The following ERICH6B variants were observed in gnomAD, a reference collection of about 807,000 sequenced individuals.
The protein encoded by ERICH6B is glutamate rich 6B.
Under a neutral mutation model 80.0 loss-of-function variants are expected in ERICH6B, and 69 were observed. The ratio of observed to expected loss-of-function variants is 0.86; its 90% CI spans 0.71 to 1.05. The LOEUF (loss-of-function observed/expected upper bound fraction) is 1.05, where lower values mean the gene tolerates loss of function less well. Ranked by LOEUF, ERICH6B falls within the 50% of genes least tolerant of loss-of-function variation. The pLI is 0.00. For synonymous variants in ERICH6B, 283 were observed against 291.9 expected (o/e 0.97, Z 0.31); for missense variants, 754 against 796.1 (o/e 0.95, Z 0.64).
chr13:45,550,689 G>T (rs544383731), intron 11 of ERICH6B, among the ~76,000 whole-genome samples: 2 of 152,176 alleles, frequency 1.3e-5, no homozygotes, highest in Non-Finnish European at 2.9e-5. Context: ...TCCTTCTAGA[G>T]GTTTTGAGGA....
intron 2 of ERICH6B, among the ~76,000 whole-genome samples, chr13:45,606,095 A>G: frequency 6.6e-6 from 1 of 152,220 alleles, no homozygotes; most frequent in East Asian, 1.9e-4. Flanking sequence ...TCAAATATTT[A>G]AAAGCTTTCA....
In ERICH6B at chr13:45,541,628, G is replaced by C; in HGVS notation, c.1925C>G (p.Ala642Gly). ...SEMKKKTILE[A>G]EPGPTAQKIR... ...CTTCTGGGCTGTTGGGCCGGGTTCT[G>C]CCTCCAGGATGGTTTTCTTCTTCAT... is the stretch of plus-strand genomic sequence containing the variant. The change falls in exon 15 of 15, where the codon GCA (alanine) becomes GGA (glycine). Residue 642 changes from alanine (A) to glycine (G), a missense_variant. Coordinates refer to ENST00000298738, the MANE Select transcript of ERICH6B (RefSeq NM_182542.3). 1.3e-6 allele frequency: 2 copies of C among 1,551,480 alleles called. No individual in the cohort carries two copies. Among genetic ancestry groups the C allele is most frequent in the Non-Finnish European group, 1.7e-6 (2 of 1,147,010 alleles).
chr13:45,595,294 A>G (rs2138020208), intron 3 of ERICH6B, among the ~76,000 whole-genome samples: 1 of 152,368 alleles, frequency 6.6e-6, no homozygotes, highest in East Asian at 1.9e-4. Context: ...GATTAAAAAT[A>G]TTATAGCTTA....
At chr13:45,542,614 G>A (rs1344829494) in intron 14 of ERICH6B, among the ~76,000 whole-genome samples, 1 of 152,114 alleles carries the variant, frequency 6.6e-6, no homozygotes, top group East Asian at 1.9e-4. Context: ...CCTCCTTCCT[G>A]TCCCTGCCCT....
chr13:45,605,540 CA>C (rs1328887473), intron 2 of ERICH6B, among the ~76,000 whole-genome samples: 1 of 152,226 alleles, frequency 6.6e-6, no homozygotes, highest in African/African-American at 2.4e-5. Context: ...CAAATAACTC[CA>C]CCAAGGTCAG....
At chr13:45,577,019 C>A (rs898833713) in intron 7 of ERICH6B, among the ~76,000 whole-genome samples, 1 of 152,130 alleles carries the variant, frequency 6.6e-6, no homozygotes, top group Non-Finnish European at 1.5e-5. Context: ...CCTGAAGTCA[C>A]TCCATGAGAG....
intron 9 of ERICH6B, among the ~76,000 whole-genome samples, chr13:45,564,044 G>T (rs374557804): frequency 3.9e-5 from 6 of 152,140 alleles, no homozygotes; most frequent in East Asian, 1.9e-4. Context: ...TAAACCCTTC[G>T]AAACGAATTC....
intron 9 of ERICH6B, 42 bp downstream of exon 9, chr13:45,568,273 C>T (rs1294350793): frequency 6.7e-7 from 1 of 1,489,884 alleles, no homozygotes; most frequent in Non-Finnish European, 8.9e-7. Context: ...TCTGGCATAC[C>T]CAAATCCACT....
intron 5 of ERICH6B, among the ~76,000 whole-genome samples, chr13:45,580,994 T>C (rs536904900): frequency 1.3e-5 from 2 of 152,308 alleles, no homozygotes; most frequent in East Asian, 3.9e-4. Flanking sequence ...AGGAAGACTT[T>C]AGAGGTATCC....
At chr13:45,559,990 G>A (rs140732155) in intron 11 of ERICH6B, among the ~76,000 whole-genome samples, 1 of 152,218 alleles carries the variant, frequency 6.6e-6, no homozygotes, top group East Asian at 1.9e-4. Context: ...TGTCAGTGGA[G>A]TATTGTGTTG....
intron 5 of ERICH6B, 47 bp from the exon 6 acceptor site, chr13:45,580,712 A>G (rs1033034950): frequency 3.3e-6 from 5 of 1,537,966 alleles, no homozygotes; most frequent in Non-Finnish European, 2.6e-6. Context: ...TAAACCTTAC[A>G]TTTTCCAGTG....
chr13:45,546,971 C>T (rs143355475), intron 13 of ERICH6B, among the ~76,000 whole-genome samples: 1 of 152,288 alleles, frequency 6.6e-6, no homozygotes, highest in African/African-American at 2.4e-5. Flanking sequence ...CTCATTCCTC[C>T]TTCTCTAAGT....
At chr13:45,565,440 A>G (rs1402899715) in intron 9 of ERICH6B, among the ~76,000 whole-genome samples, 3 of 152,188 alleles carry the variant, frequency 2.0e-5, no homozygotes, top group Non-Finnish European at 4.4e-5. Flanking sequence ...TTCTGAGAGC[A>G]TGCCTGCACC....
intron 2 of ERICH6B, among the ~76,000 whole-genome samples, chr13:45,599,433 T>C (rs570318414): frequency 6.6e-6 from 1 of 152,202 alleles, no homozygotes; most frequent in Non-Finnish European, 1.5e-5. Flanking sequence ...TTATTCATGA[T>C]TCATGAATAG....
chr13:45,615,034 A>G (rs540016921), intron 1 of ERICH6B, among the ~76,000 whole-genome samples: 2 of 152,240 alleles, frequency 1.3e-5, no homozygotes, highest in Non-Finnish European at 2.9e-5. Context: ...GACCTTTTTT[A>G]TAAATAGAAT....
chr13:45,568,021 C>A (rs1874991960), intron 9 of ERICH6B, among the ~76,000 whole-genome samples: 1 of 152,192 alleles, frequency 6.6e-6, no homozygotes, highest in African/African-American at 2.4e-5. Flanking sequence ...CTTTTCTTAC[C>A]CTGAATTTCC....
intron 11 of ERICH6B, 24 bp from the exon 12 acceptor site, chr13:45,550,340 G>A (rs1191294054): frequency 6.5e-7 from 1 of 1,527,990 alleles, no homozygotes; most frequent in Admixed American, 2.0e-5. Flanking sequence ...ACAAGCCTAT[G>A]AAAAGTGTGA....
At chr13:45,587,356 A>C in intron 4 of ERICH6B, 124 bp from the exon 5 acceptor site, 1 of 766,464 alleles carries the variant, frequency 1.3e-6, no homozygotes, top group South Asian at 1.9e-5. Flanking sequence ...GGACATCTCA[A>C]GGTTTGAAGA....
At chr13:45,574,979 A>G (rs1220428453) in intron 7 of ERICH6B, 49 bp from the exon 8 acceptor site, 1 of 1,253,394 alleles carries the variant, frequency 8.0e-7, no homozygotes, top group Non-Finnish European at 1.1e-6. Context: ...TGGAAAGAAA[A>G]CCAAAAACAT....
Sources: gnomAD v4.1 joint callset for allele counts (sites outside exome capture counted in the v4.1 genomes callset) on GRCh38, gnomAD v4.1.1 for gene constraint, MANE v1.5 for transcripts, NCBI Gene and HGNC (gene_info 2026-07-23, HGNC 2026-07-21) for gene names.